Variants in FSTL5 observed in about 807,000 individuals in gnomAD.
FSTL5 encodes the protein follistatin-related protein 5.
A neutral mutation model predicts 89.1 loss-of-function variants in FSTL5; 62 were observed. That is an observed-to-expected ratio of 0.70 (90% CI 0.57 to 0.86). The LOEUF (loss-of-function observed/expected upper bound fraction) is 0.86. Ranked by LOEUF, FSTL5 falls within the 40% of genes least tolerant of loss-of-function variation. The probability of loss-of-function intolerance (pLI) is 0.00; values close to 1 mark genes in which losing one functional copy is unlikely to be tolerated. For synonymous variants in FSTL5, 383 were observed against 346.2 expected, an observed-to-expected ratio of 1.11 and a Z score of -1.18; for missense variants, 1,057 against 1,001.6, an observed-to-expected ratio of 1.06 and a Z score of -0.75.
chr4:162,004,074 T>C (rs993558212), intron 3 of FSTL5, among the ~76,000 whole-genome samples: 1 of 152,196 alleles, frequency 6.6e-6, no homozygotes, highest in African/African-American at 2.4e-5. Context: ...AACCTCTCCA[T>C]ATTGTGTTCT....
intron 2 of FSTL5, among the ~76,000 whole-genome samples, chr4:162,079,682 G>T (rs1730010928): frequency 6.6e-6 from 1 of 151,300 alleles, no homozygotes; most frequent in Non-Finnish European, 1.5e-5. Context: ...TTTGCAAAGT[G>T]AAAAAAGTCT....
At chr4:161,692,448 C>G (rs1737975725) in intron 6 of FSTL5, among the ~76,000 whole-genome samples, 1 of 151,798 alleles carries the variant, frequency 6.6e-6, no homozygotes, top group Non-Finnish European at 1.5e-5. Flanking sequence ...GTTAAATTAT[C>G]TCCCCTCAAA....
chr4:161,996,307 T>G (rs1460105406), intron 3 of FSTL5, among the ~76,000 whole-genome samples: 1 of 152,222 alleles, frequency 6.6e-6, no homozygotes, highest in Non-Finnish European at 1.5e-5. Flanking sequence ...AATACTCTGC[T>G]CTGGCAGAAC....
chr4:161,615,293 CAAA>C (rs1203046031), intron 7 of FSTL5, among the ~76,000 whole-genome samples: 34 of 26,460 alleles, frequency 1.3e-3, no homozygotes, highest in Admixed American at 3.7e-3. Context: ...GACTCTGTCT[CAAA>C]AAAAAAAAAA....
chr4:161,859,318 T>C (rs1279850664), intron 4 of FSTL5, among the ~76,000 whole-genome samples: 2 of 152,194 alleles, frequency 1.3e-5, no homozygotes, highest in Non-Finnish European at 1.5e-5. Flanking sequence ...CTTGATCTTT[T>C]CTATTAGGTT....
chr4:161,419,542 G>A (rs553954264), intron 15 of FSTL5, among the ~76,000 whole-genome samples: 404 of 152,188 alleles, frequency 2.7e-3, no homozygotes, highest in Non-Finnish European at 4.2e-3. Context: ...CTTAGATTTC[G>A]ACTTCCACAT....
intron 3 of FSTL5, among the ~76,000 whole-genome samples, chr4:161,950,483 C>G (rs570732401): frequency 2.6e-5 from 4 of 152,294 alleles, no homozygotes; most frequent in Admixed American, 2.0e-4. Flanking sequence ...ATCCTTGGCG[C>G]TGCAGTGCTT....
intron 1 of FSTL5, among the ~76,000 whole-genome samples, chr4:162,112,387 C>T (rs1416700369): frequency 6.6e-6 from 1 of 152,112 alleles, no homozygotes; most frequent in East Asian, 1.9e-4. Context: ...GAATGGCAAG[C>T]GTGTGCCATC....
chr4:161,629,533 CAG>C (rs1735431069), intron 7 of FSTL5, among the ~76,000 whole-genome samples: 1 of 151,978 alleles, frequency 6.6e-6, no homozygotes, highest in South Asian at 2.1e-4. Flanking sequence ...TTAGTAGAGA[CAG>C]AGTTTCCCCA....
At chr4:161,479,067 T>C (rs1021311278) in intron 13 of FSTL5, among the ~76,000 whole-genome samples, 2 of 152,166 alleles carry the variant, frequency 1.3e-5, no homozygotes, top group Non-Finnish European at 2.9e-5. Context: ...ATAATTATTA[T>C]TATAATAACA....
chr4:161,986,112 T>C (rs1288053013), intron 3 of FSTL5, among the ~76,000 whole-genome samples: 1 of 152,140 alleles, frequency 6.6e-6, no homozygotes, highest in East Asian at 1.9e-4. Context: ...AGTAATTAAA[T>C]CACAGTGTCA....
chr4:161,990,558 T>G (rs1230467408), intron 3 of FSTL5, among the ~76,000 whole-genome samples: 1 of 152,100 alleles, frequency 6.6e-6, no homozygotes, highest in Non-Finnish European at 1.5e-5. Context: ...CAACGTTAAC[T>G]TATATGCACA....
chr4:161,788,137 T>C (rs967552708), intron 4 of FSTL5, among the ~76,000 whole-genome samples: 10 of 152,204 alleles, frequency 6.6e-5, no homozygotes, highest in Admixed American at 6.5e-4. Context: ...TGGTTTTTAA[T>C]TGACACGTAA....
At chr4:162,129,504 A>G (rs1370521953) in intron 1 of FSTL5, among the ~76,000 whole-genome samples, 1 of 152,230 alleles carries the variant, frequency 6.6e-6, no homozygotes, top group Non-Finnish European at 1.5e-5. Context: ...ATTAAAGCAC[A>G]GTAATCAACA....
chr4:161,607,922 C>A (rs751736423), intron 7 of FSTL5, among the ~76,000 whole-genome samples: 4 of 152,076 alleles, frequency 2.6e-5, no homozygotes, highest in Non-Finnish European at 5.9e-5. Flanking sequence ...TACTGTGCTT[C>A]TTAAAGAAGT....
intron 6 of FSTL5, among the ~76,000 whole-genome samples, chr4:161,667,647 C>G (rs1233802465): frequency 6.6e-6 from 1 of 151,976 alleles, no homozygotes; most frequent in Non-Finnish European, 1.5e-5. Context: ...AAGGATTTTT[C>G]AAAGTATTTG....
intron 3 of FSTL5, among the ~76,000 whole-genome samples, chr4:162,019,247 G>A (rs971465482): frequency 6.6e-6 from 1 of 151,980 alleles, no homozygotes; most frequent in African/African-American, 2.4e-5. Flanking sequence ...ATATATGTAT[G>A]CTACCTATTA....
chr4:161,870,570 T>G (rs1435163857), intron 4 of FSTL5, among the ~76,000 whole-genome samples: 1 of 152,138 alleles, frequency 6.6e-6, no homozygotes, highest in South Asian at 2.1e-4. Flanking sequence ...AGTTCCAGAA[T>G]AAGGAAAGTC....
intron 6 of FSTL5, among the ~76,000 whole-genome samples, chr4:161,708,217 A>C (rs1284190672): frequency 6.6e-6 from 1 of 151,864 alleles, no homozygotes; most frequent in East Asian, 1.9e-4. Flanking sequence ...TGTTTTTTTC[A>C]CCTTCGTTTG....
Sources: gnomAD v4.1 joint callset for allele counts (sites outside exome capture counted in the v4.1 genomes callset) on GRCh38, gnomAD v4.1.1 for gene constraint, MANE v1.5 for transcripts, NCBI Gene and HGNC (gene_info 2026-07-23, HGNC 2026-07-21) for gene names.